Variants in ERG observed in about 807,000 individuals in gnomAD.
ERG encodes the protein ETS transcription factor ERG, also known as transcriptional regulator ERG.
In ERG, 9 loss-of-function variants were observed where a neutral mutation model predicts 55.3. The observed-to-expected ratio is 0.16, with a 90% CI of 0.10 to 0.28. The LOEUF (loss-of-function observed/expected upper bound fraction) is 0.28. Ranked by LOEUF, ERG falls within the 10% of genes least tolerant of loss-of-function variation. ERG has a pLI of 1.00. For synonymous variants in ERG, 223 were observed against 237.3 expected (o/e 0.94, Z 0.55); for missense variants, 434 against 631.6 (o/e 0.69, Z 3.35).
chr21:38,438,331 T>C (rs1269250296), intron 2 of ERG, among the ~76,000 whole-genome samples: 2 of 152,216 alleles, frequency 1.3e-5, no homozygotes, highest in Non-Finnish European at 2.9e-5. Context: ...TCTTCACTGC[T>C]AGAAAGTGAA....
At chr21:38,407,646 T>TATATATA (rs34894423) in intron 3 of ERG, among the ~76,000 whole-genome samples, 18,690 of 142,440 alleles carry the variant, frequency 0.13, 1,426 homozygotes, top group Admixed American at 0.2. Context: ...ATATATATAT[T>TATATATA]TAATGTATAT....
At chr21:38,507,987 A>AAG (rs1466155660) in intron 2 of ERG, among the ~76,000 whole-genome samples, 5 of 150,586 alleles carry the variant, frequency 3.3e-5, no homozygotes, top group Admixed American at 6.6e-5. Context: ...AGACACACAG[A>AAG]CACACACACA....
At position 38,429,469 on chromosome 21, in the gene ERG, A is replaced by G. The variant is rs570329729; in HGVS notation, c.237-5908T>C. Among the ~76,000 whole-genome samples, 35 of 142,952 alleles carry G rather than the reference A, an allele frequency of 2.4e-4. 13 individuals are homozygous for G. The highest frequency in any genetic ancestry group is 6.2e-4 in the African/African-American group (23 of 36,918). 93.8% of individuals were successfully genotyped at this position (142,952 alleles called of 152,430 possible). On this transcript the variant is annotated intron_variant, in intron 2 of 9. Coordinates refer to ENST00000288319, the MANE Select transcript of ERG (RefSeq NM_182918.4). ...CGTGTACACATGTACATATACACAT[A>G]TGTGTATATACATGTATGCACATGT...
intron 2 of ERG, among the ~76,000 whole-genome samples, chr21:38,549,264 T>G (rs949727354): frequency 4.6e-5 from 7 of 152,098 alleles, no homozygotes; most frequent in African/African-American, 1.7e-4. Context: ...TGATAAATCA[T>G]CATACTAAAG....
At chr21:38,418,729 C>A (rs1462267172) in intron 3 of ERG, among the ~76,000 whole-genome samples, 3 of 151,800 alleles carry the variant, frequency 2.0e-5, no homozygotes, top group Admixed American at 6.6e-5. Flanking sequence ...GAGTTTGAGA[C>A]CAGCCTGGCA....
the ERG span, among the ~76,000 whole-genome samples, chr21:38,371,625 A>G: frequency 6.6e-6 from 1 of 152,046 alleles, no homozygotes; most frequent in Non-Finnish European, 1.5e-5. Flanking sequence ...AGATAATCAT[A>G]CTTTTTTCCT....
In ERG at chr21:38,563,123, G is replaced by A. The variant is rs531395568; in HGVS notation, c.-41+12539C>T. On this transcript the variant is annotated intron_variant, in intron 2 of 8. Transcript: ENST00000398897. ...AGTGGTTGTCAGGGCCTAGGAGGTC[G>A]GGAGGGATGAACAGACACAGCTCAG... Among the ~76,000 whole-genome samples, 32 of 152,310 alleles carry A rather than the reference G, an allele frequency of 2.1e-4. No individual in the cohort carries two copies. In the South Asian group the frequency reaches 5.6e-3, roughly 27 times the overall value.
intron 2 of ERG, among the ~76,000 whole-genome samples, chr21:38,571,179 A>C (rs2059955263): frequency 6.6e-6 from 1 of 152,160 alleles, no homozygotes; most frequent in Non-Finnish European, 1.5e-5. Flanking sequence ...TACACACCTA[A>C]CATGCTAAGA....
intron 1 of ERG, among the ~76,000 whole-genome samples, chr21:38,624,413 A>G (rs1320260027): frequency 6.6e-6 from 1 of 152,234 alleles, no homozygotes; most frequent in African/African-American, 2.4e-5. Flanking sequence ...ATACCTATGT[A>G]ACAAACCTGC....
chr21:38,469,906 A>C (rs1201811865), intron 1 of ERG, among the ~76,000 whole-genome samples: 1 of 152,204 alleles, frequency 6.6e-6, no homozygotes, highest in Non-Finnish European at 1.5e-5. Context: ...ATTTATTACA[A>C]CGATTTCCCC....
At chr21:38,591,730 T>C (rs2060101389) in intron 1 of ERG, among the ~76,000 whole-genome samples, 2 of 151,804 alleles carry the variant, frequency 1.3e-5, no homozygotes, top group African/African-American at 4.8e-5. Flanking sequence ...AAAAAAACAA[T>C]GAAAACAAAA....
At chr21:38,642,241 G>C (rs1252435758) in intron 1 of ERG, among the ~76,000 whole-genome samples, 5 of 152,202 alleles carry the variant, frequency 3.3e-5, no homozygotes. Flanking sequence ...AAAAACATGT[G>C]TATAAGAGAG....
At chr21:38,561,136 T>C (rs566684645) in intron 2 of ERG, among the ~76,000 whole-genome samples, 1 of 152,328 alleles carries the variant, frequency 6.6e-6, no homozygotes, top group South Asian at 2.1e-4. Flanking sequence ...GTTTGAGGAA[T>C]CAAGTAACAG....
intron 1 of ERG, among the ~76,000 whole-genome samples, chr21:38,621,983 C>T (rs941089300): frequency 6.6e-5 from 10 of 152,238 alleles, no homozygotes; most frequent in South Asian, 2.1e-4. Flanking sequence ...GGTAAACACA[C>T]GCAGCTGCTC....
At position 38,563,410 on chromosome 21, in the gene ERG, G is replaced by A. The variant is rs189834290; in HGVS notation, c.-41+12252C>T. 4.0e-4 allele frequency among the ~76,000 whole-genome samples: 61 copies of A among 152,348 alleles called. 3 individuals carry two copies. Among genetic ancestry groups the A allele is most frequent in the Admixed American group, 3.7e-3 (57 of 15,304 alleles). ...GTATGTATAGGGGCAGGAATTATAT[G>A]AGAACACTTGTGGTATATGCTCAAG... On this transcript the variant is annotated intron_variant, in intron 2 of 8. Transcript: ENST00000398897.
At chr21:38,561,681 A>G (rs1248076575) in intron 2 of ERG, among the ~76,000 whole-genome samples, 1 of 152,222 alleles carries the variant, frequency 6.6e-6, no homozygotes, top group East Asian at 1.9e-4. Context: ...TCAGTCTCAA[A>G]GTCAGTTGGC....
chr21:38,593,746 A>C (rs2060115103), intron 1 of ERG, among the ~76,000 whole-genome samples: 2 of 152,240 alleles, frequency 1.3e-5, no homozygotes. Context: ...CAAAACTCCC[A>C]AGTACAAAAT....
intron 1 of ERG, among the ~76,000 whole-genome samples, chr21:38,477,522 T>C (rs1006514704): frequency 2.6e-5 from 4 of 152,146 alleles, no homozygotes; most frequent in African/African-American, 9.7e-5. Flanking sequence ...AGTTGGGCCA[T>C]GTGAAATACC....
chr21:38,601,641 C>T (rs2060165193), intron 1 of ERG, among the ~76,000 whole-genome samples: 1 of 152,106 alleles, frequency 6.6e-6, no homozygotes, highest in Admixed American at 6.5e-5. Flanking sequence ...CTTTGACAGG[C>T]ACCCATGAGT....
Sources: allele counts gnomAD v4.1 joint callset (sites outside exome capture counted in the v4.1 genomes callset), GRCh38; gene constraint gnomAD v4.1.1; transcripts MANE v1.5; gene names NCBI Gene and HGNC (gene_info 2026-07-23, HGNC 2026-07-21).